The following SNPH variants were observed in gnomAD, a reference collection of about 807,000 sequenced individuals.
The protein encoded by SNPH is syntaphilin.
Under a neutral mutation model 36.8 loss-of-function variants are expected in SNPH, and 10 were observed. That is an observed-to-expected ratio of 0.27 (90% confidence interval 0.17 to 0.46). The LOEUF is 0.46. Among genes scored for constraint, SNPH ranks in the 20% least tolerant of loss-of-function variants. The pLI, the probability that SNPH is intolerant of heterozygous loss-of-function variation, is 1.00. For synonymous variants in SNPH, 281 were observed against 312.2 expected (o/e 0.90, Z 1.05); for missense variants, 622 against 744.0 (o/e 0.84, Z 1.91).
chr20:1,274,013 A>G (rs1326176393), intron 2 of SNPH, among the ~76,000 whole-genome samples: 1 of 152,178 alleles, frequency 6.6e-6, no homozygotes, highest in African/African-American at 2.4e-5. Flanking sequence ...CAAAAAATAA[A>G]TAACTACCAT....
At chr20:1,295,334 A>G (rs2088415276) in intron 3 of SNPH, among the ~76,000 whole-genome samples, 1 of 152,186 alleles carries the variant, frequency 6.6e-6, no homozygotes, top group Non-Finnish European at 1.5e-5. Flanking sequence ...GCCTCTACCC[A>G]GGAAAGAAGC....
intron 5 of SNPH, 119 bp from the exon 6 acceptor site, chr20:1,300,443 C>G (rs2088491428): frequency 9.1e-7 from 1 of 1,101,514 alleles, no homozygotes; most frequent in Non-Finnish European, 1.3e-6. Flanking sequence ...GGAGGCCTGG[C>G]TTGGAGCATC....
intron 2 of SNPH, among the ~76,000 whole-genome samples, chr20:1,278,505 AG>A (rs1377018419): frequency 6.6e-6 from 1 of 152,040 alleles, no homozygotes; most frequent in African/African-American, 2.4e-5. Context: ...CGTCCCCAAA[AG>A]TTTCCTCCCC....
Position 1,304,590 on chromosome 20 carries a change from TG to T in SNPH, c.441-283del, listed in dbSNP as rs538694878. Reference sequence around the variant, plus strand: ...TGAATGTTGAGAGTTGTCGGCATTCTGGGGGTGGTGGGGTGGGGGAGGGAAT... The same window carrying T: ...TGAATGTTGAGAGTTGTCGGCATTCTGGGGTGGTGGGGTGGGGGAGGGAAT... On this transcript the variant is annotated intron_variant, in intron 6 of 6. Coordinates refer to ENST00000381867, the MANE Select transcript of SNPH (RefSeq NM_001318234.2). The surrounding 1 kb of genome is among the most constrained non-coding windows in gnomAD (Gnocchi z 4.3). Among the ~76,000 whole-genome samples the T allele has an allele frequency of 8.0e-6, 1 of 124,676 alleles. No individual in the cohort carries two copies. The highest frequency in any genetic ancestry group is 1.7e-5 in the Non-Finnish European group (1 of 60,018). The allele number at this position is 124,676 out of a possible 152,430, so 81.8% of individuals were successfully genotyped here. A position where few individuals can be genotyped will look rare whatever the true frequency, so the allele number is the denominator to read the frequency against.
In SNPH at chr20:1,305,127, G is replaced by A. The variant is rs771623503; in HGVS notation, c.690G>A (p.Val230=). Residue 230 remains valine (V), a synonymous_variant, in exon 7 of 7, where the codon GTG becomes GTA. Coordinates refer to ENST00000381867, the MANE Select transcript of SNPH (RefSeq NM_001318234.2). ...AGACGCTGCTGCACAGCATGGAGGT[G>A]GCCCAGAATGGCATGGCCAAGGAGG... is the stretch of plus-strand genomic sequence containing the variant. ...KLETLLHSME[V]AQNGMAKEDG... 5 of 1,613,716 alleles carry A rather than the reference G, an allele frequency of 3.1e-6. No individual in the cohort carries two copies. Among genetic ancestry groups the A allele is most frequent in the Non-Finnish European group, 4.2e-6 (5 of 1,179,998 alleles).
intron 2 of SNPH, among the ~76,000 whole-genome samples, chr20:1,274,204 C>T (rs914325543): frequency 3.3e-5 from 5 of 152,062 alleles, no homozygotes; most frequent in Non-Finnish European, 7.4e-5. Context: ...ACCGTAGTGA[C>T]AGGATAGCAG....
At chr20:1,286,928 G>A (rs181175413) in intron 2 of SNPH, among the ~76,000 whole-genome samples, 2 of 152,250 alleles carry the variant, frequency 1.3e-5, no homozygotes, top group African/African-American at 2.4e-5. Flanking sequence ...TGTTCCATGT[G>A]TTCTTCAGTC....
intron 2 of SNPH, among the ~76,000 whole-genome samples, chr20:1,293,382 G>T (rs903668643): frequency 6.6e-6 from 1 of 152,156 alleles, no homozygotes; most frequent in African/African-American, 2.4e-5. Flanking sequence ...AAAGTGATGA[G>T]AGACTATCAG....
chr20:1,277,533 G>A (rs2088148208), intron 2 of SNPH, among the ~76,000 whole-genome samples: 1 of 134,142 alleles, frequency 7.5e-6, no homozygotes, highest in Non-Finnish European at 1.6e-5. Context: ...GTCTGTCTGT[G>A]CATGTGTGTC....
chr20:1,288,040 C>G (rs947174108), intron 2 of SNPH, among the ~76,000 whole-genome samples: 6 of 152,180 alleles, frequency 3.9e-5, no homozygotes, highest in African/African-American at 1.4e-4. Flanking sequence ...CCAGTGTTCC[C>G]CCTACTACTC....
Position 1,305,190 on chromosome 20 carries a change from C to T in SNPH, c.753C>T (p.Arg251=), listed in dbSNP as rs1294377662. 30 of 1,611,912 alleles carry T rather than the reference C, an allele frequency of 1.9e-5. No individual in the cohort carries two copies. The highest frequency in any genetic ancestry group is 2.5e-5 in the Non-Finnish European group (30 of 1,179,620). The change falls in exon 7 of 7, where the codon CGC becomes CGT. Residue 251 remains arginine (R), a synonymous_variant. Transcript: ENST00000381867. ...TGESAGGSPA[R]SLTRSSTYTK... is the part of the protein sequence containing the mutation. Reference sequence around the variant, plus strand: ...AGTCAGCCGGTGGGTCCCCTGCCCGCTCCCTCACCCGCAGCTCCACCTACA... The same window carrying T: ...AGTCAGCCGGTGGGTCCCCTGCCCGTTCCCTCACCCGCAGCTCCACCTACA...
chr20:1,286,238 G>A lies in SNPH; in HGVS notation c.-492-8713G>A, dbSNP rs75089223. 2.2e-3 allele frequency among the ~76,000 whole-genome samples: 338 copies of A among 152,274 alleles called. 2 individuals carry two copies. Among genetic ancestry groups the A allele is most frequent in the Non-Finnish European group, 3.2e-3 (215 of 68,022 alleles). The stretch of plus-strand genomic sequence containing the variant: ...TTCTCCAGAGAAGGAAAACTTATTA[G>A]GAGAGGCATTTATTAATCACCCACC... On this transcript the variant is annotated intron_variant, in intron 2 of 6. Coordinates refer to ENST00000381867, the MANE Select transcript of SNPH (RefSeq NM_001318234.2).
chr20:1,298,804 T>TTGTGTGTG (rs3038999), intron 5 of SNPH, among the ~76,000 whole-genome samples: 2,393 of 141,160 alleles, frequency 0.017, 26 homozygotes, highest in Middle Eastern at 0.036. Flanking sequence ...TTTTTCTAAT[T>TTGTGTGTG]TGTGTGTGTG....
At position 1,305,624 on chromosome 20, in the gene SNPH, A is replaced by T; in HGVS notation, c.1187A>T (p.Asp396Val). 6.2e-7 allele frequency: 1 copy of T among 1,613,556 alleles called. No individual in the cohort carries two copies. Residue 396 changes from aspartate (D) to valine (V), a missense_variant, in exon 7 of 7, where the codon GAT becomes GTT. Asp to Val is a radical substitution (Grantham distance 152). Transcript: ENST00000381867. ...TCAGGGGACAGGTGCCCAGAGCTGG[A>T]TGCCCACCCTTCAGGGCCCAGAGAC... ...PESGDRCPEL[D>V]AHPSGPRDPN...
chr20:1,274,992 G>A (rs890585450), intron 2 of SNPH, among the ~76,000 whole-genome samples: 1 of 152,192 alleles, frequency 6.6e-6, no homozygotes, highest in Non-Finnish European at 1.5e-5. Flanking sequence ...GGGAGAAGGG[G>A]TGCGCTAAAC....
intron 5 of SNPH, among the ~76,000 whole-genome samples, chr20:1,298,365 G>T (rs1192102439): frequency 6.6e-6 from 1 of 152,214 alleles, no homozygotes; most frequent in Non-Finnish European, 1.5e-5. Flanking sequence ...GGAGGACTCA[G>T]TGGAGAGGAT....
Position 1,296,205 on chromosome 20 carries a change from C to T in SNPH, c.-35C>T. 2.7e-6 allele frequency: 4 copies of T among 1,486,586 alleles called. No individual in the cohort carries two copies. Among genetic ancestry groups the T allele is most frequent in the Middle Eastern group, 2.1e-4 (1 of 4,670 alleles). The allele number at this position is 1,486,586 out of a possible 1,614,324, so 92.1% of individuals were successfully genotyped here. A position where few individuals can be genotyped will look rare whatever the true frequency, so the allele number is the denominator to read the frequency against. ...GCCGTGGTCTGCCAGGCCCTCGCTC[C>T]TGGGGTGTCCTGCCGAAGGGTGAGA... is the stretch of plus-strand genomic sequence containing the variant. On this transcript the variant is annotated 5_prime_UTR_variant, in exon 4 of 7. Coordinates refer to ENST00000381867, the MANE Select transcript of SNPH (RefSeq NM_001318234.2).
chr20:1,269,342 G>A (rs1047430092), intron 2 of SNPH, among the ~76,000 whole-genome samples: 1 of 152,182 alleles, frequency 6.6e-6, no homozygotes, highest in Non-Finnish European at 1.5e-5. Flanking sequence ...CGTCATTTAT[G>A]AAGTCCCAGA....
chr20:1,293,584 T>C (rs1380608399), intron 2 of SNPH, among the ~76,000 whole-genome samples: 3 of 151,984 alleles, frequency 2.0e-5, no homozygotes, highest in African/African-American at 7.3e-5. Context: ...CACACTGAGT[T>C]TTCTGAGTAG....
Sources: gnomAD v4.1 joint callset for allele counts (sites outside exome capture counted in the v4.1 genomes callset) on GRCh38, gnomAD v4.1.1 for gene constraint, Gnocchi (gnomAD v3.1) non-coding constraint, MANE v1.5 for transcripts, NCBI Gene and HGNC (gene_info 2026-07-23, HGNC 2026-07-21) for gene names.